GSTA5: variants seen among roughly 807,000 people sequenced by gnomAD.
GSTA5 encodes glutathione S-transferase alpha 5.
Under a neutral mutation model 21.8 loss-of-function variants are expected in GSTA5, and 25 were observed. The observed-to-expected ratio is 1.14, with a 90% CI of 0.83 to 1.60. The LOEUF is 1.60. GSTA5 is among the 40% of genes most tolerant of loss of function. The probability of loss-of-function intolerance (pLI) is 0.00; values close to 1 mark genes in which losing one functional copy is unlikely to be tolerated. For missense variants in GSTA5, 330 were observed against 259.2 expected, an observed-to-expected ratio of 1.27 and a Z score of -1.88; for synonymous variants, 102 against 89.5, an observed-to-expected ratio of 1.14 and a Z score of -0.78.
At chr6:52,833,292 G>GCA (rs374315489) in intron 4 of GSTA5, among the ~76,000 whole-genome samples, 148,821 of 152,170 alleles carry the variant, frequency 0.98, 72,869 homozygotes, top group South Asian at 1. Context: ...CTGCCTCCAT[G>GCA]TGTTCTGTCT....
rs772656100 is a variant in GSTA5, at chr6:52,834,291, C to A, written c.273-9G>T. 6.3e-7 allele frequency: 1 copy of A among 1,597,368 alleles called. No homozygotes were observed. Among genetic ancestry groups the A allele is most frequent in the Non-Finnish European group, 8.5e-7 (1 of 1,173,126 alleles). On this transcript the variant is annotated splice_polypyrimidine_tract_variant and intron_variant, in intron 3 of 5. Coordinates refer to ENST00000370989, the Ensembl canonical transcript of GSTA5. ...CTGTGTACATATCAATCCTGAAAGA[C>A]AAAAACAACCAAACCATCAAATGCC... is the stretch of plus-strand genomic sequence containing the variant.
At chr6:52,840,736 A>G (rs745947995) in exon 1 of GSTA5, 1 of 1,613,922 alleles carries the variant, frequency 6.2e-7, no homozygotes, top group South Asian at 1.1e-5. Flanking sequence ...CCTCTACTCC[A>G]GCTGCAGCCA....
rs371863370 is a variant in GSTA5, at chr6:52,838,479, C to T, written c.88-870G>A. 2.5e-3 allele frequency among the ~76,000 whole-genome samples: 378 copies of T among 152,306 alleles called. 2 individuals are homozygous for T. Among genetic ancestry groups the T allele is most frequent in the Middle Eastern group, 0.017 (5 of 294 alleles). ...ATAAGTTATGTTTAGAATTTTGAAA[C>T]TATACTTAGTTCTTGATCTACATCC... On this transcript the variant is annotated intron_variant, in intron 1 of 5. Coordinates refer to ENST00000370989, the Ensembl canonical transcript of GSTA5.
chr6:52,832,092 A>T, intron 5 of GSTA5, 122 bp from the exon 6 acceptor site: 1 of 1,368,698 alleles, frequency 7.3e-7, no homozygotes, highest in Non-Finnish European at 9.8e-7. Flanking sequence ...GAGTACCAGC[A>T]TGGAGGCAGA....
In GSTA5 at chr6:52,832,839, TG is replaced by T. The variant is rs777252062; in HGVS notation, c.546+19del. 9 of 1,613,620 alleles carry T rather than the reference TG, an allele frequency of 5.6e-6. No individual in the cohort carries two copies. In the South Asian group the frequency reaches 8.8e-5, roughly 16 times the overall value. ...TATAAGAGATGTGGGGCTGTCTCTC[TG>T]GGCTGTGAAATGGGTCACCTTCAGC... On this transcript the variant is annotated intron_variant, in intron 5 of 5. Transcript: ENST00000370989.
At chr6:52,832,487 G>A (rs1027028599) in intron 5 of GSTA5, among the ~76,000 whole-genome samples, 3 of 152,122 alleles carry the variant, frequency 2.0e-5, no homozygotes, top group African/African-American at 7.2e-5. Context: ...GAAACCAGAT[G>A]GAAAGGGCTC....
At chr6:52,835,294 A>T (rs1261683129) in intron 3 of GSTA5, among the ~76,000 whole-genome samples, 2 of 152,142 alleles carry the variant, frequency 1.3e-5, no homozygotes, top group African/African-American at 4.8e-5. Flanking sequence ...TGTCTTGTGT[A>T]TTTTATGTAA....
At chr6:52,837,989 A>T (rs1462809958) in intron 1 of GSTA5, among the ~76,000 whole-genome samples, 1 of 152,196 alleles carries the variant, frequency 6.6e-6, no homozygotes, top group Non-Finnish European at 1.5e-5. Context: ...GTGTGTCCCC[A>T]GTGTGGGGTA....
chr6:52,845,215 T>C (rs895319137), upstream of GSTA5, among the ~76,000 whole-genome samples: 1 of 152,124 alleles, frequency 6.6e-6, no homozygotes, highest in African/African-American at 2.4e-5. Flanking sequence ...CCAGTGAATG[T>C]CCAAGCAGTG....
chr6:52,838,875 A>G (rs1006275593), intron 1 of GSTA5, among the ~76,000 whole-genome samples: 1 of 152,208 alleles, frequency 6.6e-6, no homozygotes, highest in Non-Finnish European at 1.5e-5. Flanking sequence ...GAATTTTGTA[A>G]TGTTTCAAAA....
At chr6:52,834,367 A>T in intron 3 of GSTA5, 85 bp from the exon 4 acceptor site, 1 of 1,367,054 alleles carries the variant, frequency 7.3e-7, no homozygotes. Flanking sequence ...ATAGAGGGTC[A>T]GATGGTGGCA....
chr6:52,832,927 G>C (rs976623160), exon 5 of GSTA5: 3 of 1,614,120 alleles, frequency 1.9e-6, no homozygotes, highest in Non-Finnish European at 2.5e-6. Context: ...AGTTCCACCA[G>C]GTGAATGTCA....
intron 1 of GSTA5, among the ~76,000 whole-genome samples, chr6:52,839,177 T>G (rs1764336848): frequency 6.6e-6 from 1 of 152,104 alleles, no homozygotes; most frequent in South Asian, 2.1e-4. Flanking sequence ...GGTTGGCAAG[T>G]GGGATGTGAG....
At chr6:52,834,224 T>C (rs751286616) in exon 4 of GSTA5, 8 of 1,613,902 alleles carry the variant, frequency 5.0e-6, no homozygotes, top group Non-Finnish European at 6.8e-6. Flanking sequence ...GGTTGACATA[T>C]GAGCAGAAGA....
intron 1 of GSTA5, among the ~76,000 whole-genome samples, chr6:52,837,965 C>A (rs1020767147): frequency 1.7e-4 from 26 of 152,216 alleles, no homozygotes; most frequent in African/African-American, 6.3e-4. Context: ...CAGGAGAGAT[C>A]AGACCACAAC....
upstream of GSTA5, among the ~76,000 whole-genome samples, chr6:52,844,843 A>G (rs1258199758): frequency 2.0e-5 from 3 of 152,154 alleles, no homozygotes; most frequent in African/African-American, 7.2e-5. Flanking sequence ...TAGCCCATGG[A>G]TCTTCTTTCT....
intron 4 of GSTA5, 52 bp from the exon 5 acceptor site, chr6:52,833,042 C>T (rs763404042): frequency 7.5e-6 from 12 of 1,605,788 alleles, no homozygotes; most frequent in South Asian, 4.4e-5. Context: ...CAGGCTGGGA[C>T]CCCTGCTTCT....
At chr6:52,843,086 C>T (rs1764404187), upstream of GSTA5, among the ~76,000 whole-genome samples, 1 of 152,114 alleles carries the variant, frequency 6.6e-6, no homozygotes, top group Non-Finnish European at 1.5e-5. Flanking sequence ...TGAACTCATC[C>T]TTTTTTATGG....
intron 4 of GSTA5, among the ~76,000 whole-genome samples, chr6:52,833,900 A>T (rs978696839): frequency 2.6e-5 from 4 of 152,248 alleles, no homozygotes; most frequent in African/African-American, 7.2e-5. Context: ...TTTGTTGAAC[A>T]GAGAATTTAA....
Sources: allele counts gnomAD v4.1 joint callset (sites outside exome capture counted in the v4.1 genomes callset), GRCh38; gene constraint gnomAD v4.1.1; transcripts MANE v1.5; gene names NCBI Gene and HGNC (gene_info 2026-07-23, HGNC 2026-07-21).